Variants in MYLK observed in about 807,000 individuals in gnomAD.
The protein encoded by MYLK is myosin light chain kinase, also known as myosin light chain kinase, smooth muscle.
Under a neutral mutation model 203.4 loss-of-function variants are expected in MYLK, and 106 were observed. That is an observed-to-expected ratio of 0.52 (90% CI 0.45 to 0.61). MYLK has a LOEUF of 0.61. Ranked by LOEUF, MYLK falls within the 20% of genes least tolerant of loss-of-function variation. The pLI is 0.00. For missense variants in MYLK, 2,072 were observed against 2,442.3 expected (o/e 0.85, Z 3.20); for synonymous variants, 867 against 959.5 (o/e 0.90, Z 1.78).
intron 2 of MYLK, among the ~76,000 whole-genome samples, chr3:123,842,787 T>A (rs917587264): frequency 6.6e-6 from 1 of 152,248 alleles, no homozygotes; most frequent in African/African-American, 2.4e-5. Context: ...CCAGTCAGTG[T>A]TCTAAGCATA....
intron 2 of MYLK, among the ~76,000 whole-genome samples, chr3:123,857,569 T>C (rs1415100781): frequency 6.7e-6 from 1 of 149,254 alleles, no homozygotes; most frequent in African/African-American, 2.5e-5. Flanking sequence ...ACACCGCATA[T>C]TCTCACTCAT....
Position 123,692,781 on chromosome 3 carries a change from C to A in MYLK, c.3519G>T (p.Lys1173Asn). The A allele has an allele frequency of 6.2e-7, 1 of 1,614,074 alleles. No individual in the cohort carries two copies. Among genetic ancestry groups the A allele is most frequent in the Non-Finnish European group, 8.5e-7 (1 of 1,180,020 alleles). ...AGCACTCCGCCTGGCCAGCGTCATTCTTGGCTACACACTTGTATAAGCCTC... is the reference window on the plus strand; with the variant it reads ...AGCACTCCGCCTGGCCAGCGTCATTATTGGCTACACACTTGTATAAGCCTC... ...EDRGLYKCVA[K>N]NDAGQAECSC... The change falls in exon 19 of 34, where the codon AAG becomes AAT. Residue 1173 changes from lysine to asparagine, a missense_variant. By Grantham distance (94) the Lys-to-Asn change is moderately conservative. Coordinates refer to ENST00000360304, the MANE Select transcript of MYLK (RefSeq NM_053025.4).
At chr3:123,849,199 T>C (rs2030435734) in intron 2 of MYLK, among the ~76,000 whole-genome samples, 1 of 152,082 alleles carries the variant, frequency 6.6e-6, no homozygotes. Flanking sequence ...TGGTCTCAAA[T>C]TTCTGAGCTC....
intron 13 of MYLK, among the ~76,000 whole-genome samples, chr3:123,720,989 C>T (rs1417505059): frequency 2.0e-5 from 3 of 152,196 alleles, no homozygotes; most frequent in Admixed American, 6.5e-5. Flanking sequence ...TGCAGACTAA[C>T]GTGATGCGCT....
At chr3:123,754,743 C>A (rs2063310375) in intron 4 of MYLK, among the ~76,000 whole-genome samples, 1 of 152,146 alleles carries the variant, frequency 6.6e-6, no homozygotes, top group South Asian at 2.1e-4. Context: ...AATAGTACAC[C>A]TGGCCTTTGC....
intron 31 of MYLK, chr3:123,621,589 T>C (rs961594631): frequency 2.6e-5 from 4 of 152,236 alleles, no homozygotes; most frequent in Non-Finnish European, 4.4e-5. Context: ...GTGAATAACT[T>C]CTGGGTGCTA....
rs556887831 is a variant in MYLK at position 123,709,325 on chromosome 3, T to C, written c.1943-430A>G. The C allele has an allele frequency of 5.4e-4, 132 of 243,658 alleles. 1 individual carries two copies. The highest frequency in any genetic ancestry group is 4.0e-4 in the Non-Finnish European group (49 of 123,356). 15.1% of individuals were successfully genotyped at this position (243,658 alleles called of 1,614,324 possible). A position where few individuals can be genotyped will look rare whatever the true frequency, so the allele number is the denominator to read the frequency against. On this transcript the variant is annotated intron_variant, in intron 14 of 33. Transcript: ENST00000360304. The stretch of plus-strand genomic sequence containing the variant: ...CCAGCTAATTTTTTGTATTTTTTAG[T>C]AGAGACAGGGTTTCACCGTGTTAGC...
rs951046233 is a variant in MYLK, at chr3:123,707,662, T to C, written c.2390+92A>G. 4 of 1,602,220 alleles carry C rather than the reference T, an allele frequency of 2.5e-6. No homozygotes were observed. The African/African-American group carries it at 5.4e-5, about 21-fold the overall frequency. ...CTGGAAGTCCAAGCCCCACATCAGT[T>C]TGTGCTTCTTCTGGCTGCCCAGACC... On this transcript the variant is annotated intron_variant, in intron 16 of 33. Transcript: ENST00000360304.
intron 4 of MYLK, among the ~76,000 whole-genome samples, chr3:123,762,041 A>T (rs1183815547): frequency 1.3e-5 from 2 of 151,956 alleles, no homozygotes; most frequent in Non-Finnish European, 2.9e-5. Flanking sequence ...AAATATATAT[A>T]TTTTTATCCT....
rs2107807830 is a variant in MYLK, at chr3:123,614,213, C to T, written c.5637G>A (p.Lys1879=). The T allele has an allele frequency of 1.2e-6, 2 of 1,614,096 alleles. No individual in the cohort carries two copies. The highest frequency in any genetic ancestry group is 1.7e-6 in the Non-Finnish European group (2 of 1,180,028). ...ISDVCGDDDA[K]YTCKAVNSLG... Reference sequence around the variant, plus strand: ...GACTGTTGACAGCCTTGCAGGTGTACTTGGCATCGTCATCCCCGCAAACAT... The same window carrying T: ...GACTGTTGACAGCCTTGCAGGTGTATTTGGCATCGTCATCCCCGCAAACAT... The change falls in exon 34 of 34, where the codon AAG becomes AAA. Residue 1879 remains lysine (K), a synonymous_variant. Transcript: ENST00000360304.
At chr3:123,673,315 T>C (rs2059976221) in intron 20 of MYLK, among the ~76,000 whole-genome samples, 1 of 151,962 alleles carries the variant, frequency 6.6e-6, no homozygotes, top group African/African-American at 2.4e-5. Flanking sequence ...AGACTCACTA[T>C]GTTGCGCAGG....
chr3:123,763,490 A>G (rs916526826), intron 4 of MYLK, among the ~76,000 whole-genome samples: 1 of 152,224 alleles, frequency 6.6e-6, no homozygotes, highest in African/African-American at 2.4e-5. Flanking sequence ...TAGATCTGGC[A>G]TTTCCAAAAG....
chr3:123,671,210 C>T (rs1393766117), intron 20 of MYLK, among the ~76,000 whole-genome samples: 3 of 152,300 alleles, frequency 2.0e-5, no homozygotes, highest in Admixed American at 6.5e-5. Context: ...ATTAGGAGTA[C>T]AAGATTAATA....
intron 2 of MYLK, among the ~76,000 whole-genome samples, chr3:123,845,441 G>A (rs1019234586): frequency 3.3e-5 from 5 of 152,146 alleles, no homozygotes; most frequent in Admixed American, 1.3e-4. Context: ...AGAGTTCAAA[G>A]TTGACAATGC....
chr3:123,683,736 C>A (rs775331885), intron 19 of MYLK, among the ~76,000 whole-genome samples: 3 of 152,130 alleles, frequency 2.0e-5, no homozygotes, highest in Non-Finnish European at 4.4e-5. Context: ...GGCAATCCCC[C>A]ACCAAAGACA....
At chr3:123,680,187 C>A (rs530109287) in intron 20 of MYLK, among the ~76,000 whole-genome samples, 1 of 152,192 alleles carries the variant, frequency 6.6e-6, no homozygotes, top group Non-Finnish European at 1.5e-5. Flanking sequence ...CTTCTGTTCT[C>A]AGGGCAGAGA....
Position 123,629,598 on chromosome 3 carries a change from C to A in MYLK, c.4990G>T (p.Asp1664Tyr). Residue 1664 changes from aspartate (D) to tyrosine (Y), a missense_variant, in exon 30 of 34, where the codon GAC becomes TAC. This residue lies in a region of MYLK where 524 missense variants were observed against 782.4 expected (regional missense o/e 0.67). Transcript: ENST00000360304. The surrounding 1 kb of genome is among the most constrained non-coding windows in gnomAD (Gnocchi z 4.4). Reference protein sequence around the residue: ...LVSGLSPFMGDNDNETLANVT... With the variant: ...LVSGLSPFMGYNDNETLANVT... The stretch of plus-strand genomic sequence containing the variant: ...TTGGCCAAGGTTTCGTTATCGTTGT[C>A]TCCCATGAAGGGGGAAAGGCCACTG... 6.2e-7 allele frequency: 1 copy of A among 1,614,072 alleles called. No homozygotes were observed. The highest frequency in any genetic ancestry group is 8.5e-7 in the Non-Finnish European group (1 of 1,180,032).
At chr3:123,762,023 G>A (rs1258096922) in intron 4 of MYLK, among the ~76,000 whole-genome samples, 2 of 151,896 alleles carry the variant, frequency 1.3e-5, no homozygotes, top group East Asian at 1.9e-4. Context: ...GCGAAACTCC[G>A]CCTCAAAAAA....
intron 24 of MYLK, among the ~76,000 whole-genome samples, chr3:123,654,352 T>G (rs905833442): frequency 6.6e-6 from 1 of 152,214 alleles, no homozygotes; most frequent in Non-Finnish European, 1.5e-5. Flanking sequence ...CAATTTTTTT[T>G]TCAAAACTAA....
Sources: allele counts gnomAD v4.1 joint callset (sites outside exome capture counted in the v4.1 genomes callset), GRCh38; gene constraint gnomAD v4.1.1; regional missense constraint gnomAD v4.1.1; non-coding constraint Gnocchi (gnomAD v3.1); transcripts MANE v1.5; gene names NCBI Gene and HGNC (gene_info 2026-07-23, HGNC 2026-07-21).